LTBP2: variants seen among roughly 807,000 people sequenced by gnomAD.
The protein encoded by LTBP2 is latent-transforming growth factor beta-binding protein 2.
LTBP2 carries 103 observed loss-of-function variants against 210.6 expected under a neutral mutation model. That is an observed-to-expected ratio of 0.49 (90% CI 0.42 to 0.58). The LOEUF is 0.58. Ranked by LOEUF, LTBP2 falls within the 20% of genes least tolerant of loss-of-function variation. The probability of loss-of-function intolerance (pLI) is 0.00; values close to 1 mark genes in which losing one functional copy is unlikely to be tolerated. For synonymous variants in LTBP2, 1,007 were observed against 1,015.0 expected, an observed-to-expected ratio of 0.99 and a Z score of 0.15; for missense variants, 2,313 against 2,494.5, an observed-to-expected ratio of 0.93 and a Z score of 1.55.
At chr14:74,555,480 G>A (rs767833873) in intron 4 of LTBP2, 23 bp downstream of exon 4, 2 of 1,611,812 alleles carry the variant, frequency 1.2e-6, no homozygotes, top group East Asian at 2.2e-5. Context: ...GCTCTTCTAG[G>A]ACCCAAGACA....
intron 1 of LTBP2, 65 bp from the exon 2 acceptor site, chr14:74,603,770 T>A: frequency 7.5e-7 from 1 of 1,335,610 alleles, no homozygotes; most frequent in Non-Finnish European, 1.1e-6. Flanking sequence ...TCACAGCCCC[T>A]CCGACAGTCC....
chr14:74,556,869 G>A (rs947316964), intron 3 of LTBP2, among the ~76,000 whole-genome samples: 3 of 152,164 alleles, frequency 2.0e-5, no homozygotes, highest in African/African-American at 7.2e-5. Context: ...TTTGTCTTCT[G>A]TTAAAATATT....
At chr14:74,577,083 TC>T (rs2139778388) in intron 3 of LTBP2, among the ~76,000 whole-genome samples, 1 of 151,020 alleles carries the variant, frequency 6.6e-6, no homozygotes, top group South Asian at 2.1e-4. Flanking sequence ...CCGAGTCTAT[TC>T]AAAATAGTTT....
intron 8 of LTBP2, among the ~76,000 whole-genome samples, chr14:74,547,508 C>T (rs755941977): frequency 1.3e-5 from 2 of 152,164 alleles, no homozygotes; most frequent in Non-Finnish European, 2.9e-5. Context: ...CTCCTTTACA[C>T]TCACGCTGTT....
intron 24 of LTBP2, among the ~76,000 whole-genome samples, chr14:74,508,394 C>T (rs2087019642): frequency 6.6e-6 from 1 of 152,062 alleles, no homozygotes; most frequent in Admixed American, 6.6e-5. Context: ...CTGAGTCCCT[C>T]CCTCCCTGAG....
chr14:74,504,734 C>T, intron 30 of LTBP2, 44 bp downstream of exon 30: 1 of 1,589,624 alleles, frequency 6.3e-7, no homozygotes, highest in Non-Finnish European at 8.6e-7. Flanking sequence ...AGGCTAGGGC[C>T]CACTCAGGTG....
chr14:74,523,639 G>A (rs1404720183), intron 15 of LTBP2, among the ~76,000 whole-genome samples: 1 of 152,186 alleles, frequency 6.6e-6, no homozygotes, highest in Non-Finnish European at 1.5e-5. Context: ...TCGGGGTTGA[G>A]GCTGTGTAGA....
intron 3 of LTBP2, among the ~76,000 whole-genome samples, chr14:74,572,675 G>A (rs1316923774): frequency 2.0e-5 from 3 of 151,972 alleles, no homozygotes; most frequent in Non-Finnish European, 2.9e-5. Context: ...GAGAATTCAC[G>A]GAGCCTGAAA....
intron 22 of LTBP2, 90 bp downstream of exon 22, chr14:74,509,148 G>T: frequency 6.3e-7 from 1 of 1,598,586 alleles, no homozygotes; most frequent in Non-Finnish European, 8.6e-7. Context: ...AGCTCCTCCA[G>T]CCTCAGCAGC....
intron 18 of LTBP2, among the ~76,000 whole-genome samples, 160 bp downstream of exon 18, chr14:74,516,662 C>T (rs1209850518): frequency 6.6e-6 from 1 of 152,108 alleles, no homozygotes; most frequent in East Asian, 1.9e-4. Context: ...GATGGAAGGG[C>T]TCAGGAATTC....
At chr14:74,575,194 G>A (rs1043089267) in intron 3 of LTBP2, among the ~76,000 whole-genome samples, 1 of 152,154 alleles carries the variant, frequency 6.6e-6, no homozygotes, top group South Asian at 2.1e-4. Flanking sequence ...TCCCACACCT[G>A]TACCCCCTAA....
rs2087672278 is a variant in LTBP2 at position 74,552,356 on chromosome 14, G to A, written c.1230C>T (p.Cys410=). 6.2e-7 allele frequency: 1 copy of A among 1,611,308 alleles called. No homozygotes were observed. Among genetic ancestry groups the A allele is most frequent in the South Asian group, 1.1e-5 (1 of 91,090 alleles). ...GGCACCAGCATTCGTCCCTGCCGATGCAGCGGCCTCCGTTCAGGCAGGGGA... is the reference window on the plus strand; with the variant it reads ...GGCACCAGCATTCGTCCCTGCCGATACAGCGGCCTCCGTTCAGGCAGGGGA... ...CQIPCLNGGR[C]IGRDECWCPA... Residue 410 remains cysteine (C), a synonymous_variant, in exon 6 of 36, where the codon TGC becomes TGT. Transcript: ENST00000261978.
chr14:74,537,793 C>T (rs1054844523), intron 8 of LTBP2, among the ~76,000 whole-genome samples: 6 of 152,044 alleles, frequency 3.9e-5, no homozygotes, highest in African/African-American at 1.5e-4. Flanking sequence ...CTTGCTCTGT[C>T]GCACAGGCTG....
At position 74,499,346 on chromosome 14, in the gene LTBP2, AC is replaced by A. The variant is rs1595233793; in HGVS notation, c.*1537del. ...AAGCTTTCTATGTCTCAGTTTCCTC[AC>A]CTGTAAATTGAGAATAAACAATAGT... On this transcript the variant is annotated 3_prime_UTR_variant, in exon 36 of 36. Coordinates refer to ENST00000261978, the MANE Select transcript of LTBP2 (RefSeq NM_000428.3). The A allele has an allele frequency of 4.5e-6, 1 of 222,138 alleles. No individual in the cohort carries two copies. Among genetic ancestry groups the A allele is most frequent in the Admixed American group, 5.8e-5 (1 of 17,388 alleles). 13.8% of individuals were successfully genotyped at this position (222,138 alleles called of 1,614,324 possible).
chr14:74,506,340 T>C, intron 27 of LTBP2, 149 bp from the exon 28 acceptor site: 2 of 1,066,854 alleles, frequency 1.9e-6, no homozygotes, highest in Non-Finnish European at 2.8e-6. Context: ...GAGGAACCAA[T>C]GGACAGAGGG....
intron 2 of LTBP2, 150 bp downstream of exon 2, chr14:74,603,485 T>C (rs1325580858): frequency 1.0e-5 from 8 of 786,260 alleles, no homozygotes; most frequent in South Asian, 4.3e-5. Flanking sequence ...CCACTTTAAA[T>C]AGGGGCTGCA....
At chr14:74,596,860 G>A (rs2088372637) in intron 2 of LTBP2, among the ~76,000 whole-genome samples, 1 of 152,152 alleles carries the variant, frequency 6.6e-6, no homozygotes, top group Non-Finnish European at 1.5e-5. Flanking sequence ...GGGAAGTCAC[G>A]AGTTCATTTT....
chr14:74,501,372 C>T, intron 35 of LTBP2, 69 bp downstream of exon 35: 3 of 1,610,882 alleles, frequency 1.9e-6, no homozygotes, highest in South Asian at 1.1e-5. Flanking sequence ...CTCTTCCAGC[C>T]TTCCTGAGTT....
At chr14:74,509,450 G>T in intron 21 of LTBP2, 87 bp from the exon 22 acceptor site, 1 of 1,584,622 alleles carries the variant, frequency 6.3e-7, no homozygotes, top group Non-Finnish European at 8.6e-7. Flanking sequence ...TTCCCTCTCT[G>T]AGCCCCTGGG....
Sources: allele counts gnomAD v4.1 joint callset (sites outside exome capture counted in the v4.1 genomes callset), GRCh38; gene constraint gnomAD v4.1.1; transcripts MANE v1.5; gene names NCBI Gene and HGNC (gene_info 2026-07-23, HGNC 2026-07-21).